Variants in SLC9A9 observed in about 807,000 individuals in gnomAD.
SLC9A9 encodes solute carrier family 9 member A9.
In SLC9A9, 62 loss-of-function variants were observed where a neutral mutation model predicts 77.8. That is an observed-to-expected ratio of 0.80 (90% CI 0.65 to 0.98). SLC9A9 has a LOEUF of 0.98. Among genes scored for constraint, SLC9A9 ranks in the 50% least tolerant of loss-of-function variants. The pLI is 0.00. For synonymous variants in SLC9A9, 320 were observed against 283.5 expected (o/e 1.13, Z -1.29); for missense variants, 775 against 774.9 (o/e 1.00, Z 0.00).
intron 4 of SLC9A9, among the ~76,000 whole-genome samples, chr3:143,748,790 G>C (rs977733706): frequency 7.1e-6 from 1 of 141,374 alleles, no homozygotes; most frequent in Non-Finnish European, 1.5e-5. Flanking sequence ...TGCAAGCTCC[G>C]CTTCCTGGGT....
chr3:143,602,962 A>G (rs2108688523), intron 6 of SLC9A9, among the ~76,000 whole-genome samples: 1 of 152,354 alleles, frequency 6.6e-6, no homozygotes, highest in East Asian at 1.9e-4. Context: ...TTCCTCTTCC[A>G]TAGTCTATGC....
chr3:143,714,736 G>A (rs185895889), intron 4 of SLC9A9, among the ~76,000 whole-genome samples: 17 of 152,292 alleles, frequency 1.1e-4, no homozygotes, highest in Non-Finnish European at 4.4e-5. Context: ...ATCAGTGGAT[G>A]AACTTGCTCT....
At chr3:143,277,709 G>A (rs776493410) in intron 14 of SLC9A9, among the ~76,000 whole-genome samples, 12 of 152,136 alleles carry the variant, frequency 7.9e-5, no homozygotes, top group Non-Finnish European at 1.6e-4. Flanking sequence ...AGTGAGCCTT[G>A]GCTTTTAGTG....
In SLC9A9 at chr3:143,505,759, A is replaced by G. The variant is rs538645669; in HGVS notation, c.1090-10311T>C. ...GGAAGATGAATAGGCATCATTAAGT[A>G]AGTAAAGTTAATATAGGACATAAAT... On this transcript the variant is annotated intron_variant, in intron 9 of 15. Coordinates refer to ENST00000316549, the MANE Select transcript of SLC9A9 (RefSeq NM_173653.4). 2.0e-5 allele frequency among the ~76,000 whole-genome samples: 3 copies of G among 152,336 alleles called. No homozygotes were observed. In the South Asian group the frequency reaches 6.2e-4, roughly 32 times the overall value.
chr3:143,607,120 C>T (rs1177910913), intron 6 of SLC9A9, among the ~76,000 whole-genome samples: 1 of 151,402 alleles, frequency 6.6e-6, no homozygotes, highest in Admixed American at 6.6e-5. Context: ...AATATAATTA[C>T]CTAATATCAA....
chr3:143,532,168 G>A (rs948087180), intron 9 of SLC9A9, among the ~76,000 whole-genome samples: 3 of 152,156 alleles, frequency 2.0e-5, no homozygotes, highest in Non-Finnish European at 4.4e-5. Context: ...ATTGATACAT[G>A]TAATCAGTGG....
intron 4 of SLC9A9, among the ~76,000 whole-genome samples, chr3:143,712,638 A>G (rs928998416): frequency 2.1e-5 from 3 of 142,442 alleles, no homozygotes; most frequent in African/African-American, 3.1e-5. Flanking sequence ...TTACCAGATA[A>G]TCACTACTGA....
At chr3:143,564,903 T>C (rs1011975617) in intron 8 of SLC9A9, among the ~76,000 whole-genome samples, 1 of 152,206 alleles carries the variant, frequency 6.6e-6, no homozygotes, top group Non-Finnish European at 1.5e-5. Flanking sequence ...TGAGTACTTA[T>C]GCAAATTATC....
At chr3:143,437,192 T>C (rs2034636080) in intron 12 of SLC9A9, among the ~76,000 whole-genome samples, 1 of 152,220 alleles carries the variant, frequency 6.6e-6, no homozygotes, top group Non-Finnish European at 1.5e-5. Flanking sequence ...TTTGAATGAA[T>C]GAATCACAGA....
In SLC9A9 at chr3:143,467,184, C is replaced by T. The variant is rs1318268027; in HGVS notation, c.1322G>A (p.Arg441Gln). ...AGCTAAGGCAAATGCGATCGCTCCT[C>T]GCAAACCTTGCAGGAAAAACCAAAG... The part of the protein sequence containing the change: ...FQHMMMFSGL[R>Q]GAIAFALAIR... The change falls in exon 12 of 16, where the codon CGA (arginine) becomes CAA (glutamine). Residue 441 changes from arginine (R) to glutamine (Q), a missense_variant. By Grantham distance (43) the Arg-to-Gln change is conservative (BLOSUM62 1). Transcript: ENST00000316549. 16 of 1,614,038 alleles carry T rather than the reference C, an allele frequency of 9.9e-6. No homozygotes were observed. In the East Asian group the frequency reaches 1.6e-4, roughly 16 times the overall value.
At chr3:143,846,114 G>A (rs531049133) in intron 1 of SLC9A9, among the ~76,000 whole-genome samples, 46 of 152,326 alleles carry the variant, frequency 3.0e-4, no homozygotes, top group African/African-American at 1.0e-3. Context: ...AGATTCAAAA[G>A]TAAGAGTTAC....
chr3:143,648,487 T>C (rs1467077016), intron 6 of SLC9A9, among the ~76,000 whole-genome samples: 1 of 152,208 alleles, frequency 6.6e-6, no homozygotes, highest in Non-Finnish European at 1.5e-5. Context: ...TACTGCTCAC[T>C]GGCCCATTGC....
chr3:143,841,534 T>C (rs2009706724), intron 1 of SLC9A9, among the ~76,000 whole-genome samples: 1 of 152,206 alleles, frequency 6.6e-6, no homozygotes, highest in South Asian at 2.1e-4. Context: ...ATTAACTATG[T>C]AACATTAATT....
At chr3:143,617,861 C>A (rs1225538415) in intron 6 of SLC9A9, among the ~76,000 whole-genome samples, 1 of 152,226 alleles carries the variant, frequency 6.6e-6, no homozygotes, top group Non-Finnish European at 1.5e-5. Flanking sequence ...GAACTTTCAA[C>A]CTGATCCTGA....
intron 4 of SLC9A9, among the ~76,000 whole-genome samples, chr3:143,767,856 G>A (rs1283998512): frequency 6.6e-6 from 1 of 152,078 alleles, no homozygotes; most frequent in Non-Finnish European, 1.5e-5. Context: ...GAAGTTTAAT[G>A]ATTTAGAATT....
At chr3:143,492,475 G>A (rs1429515345) in intron 11 of SLC9A9, among the ~76,000 whole-genome samples, 1 of 152,090 alleles carries the variant, frequency 6.6e-6, no homozygotes, top group Non-Finnish European at 1.5e-5. Context: ...CTCAGCTTGG[G>A]AGCTGCCCCT....
chr3:143,699,628 T>A (rs1028741584), intron 4 of SLC9A9, among the ~76,000 whole-genome samples: 3 of 152,080 alleles, frequency 2.0e-5, no homozygotes, highest in Admixed American at 2.0e-4. Flanking sequence ...AGAGGAAGTA[T>A]AAAACCAGCC....
intron 2 of SLC9A9, 65 bp downstream of exon 2, chr3:143,831,954 G>T: frequency 7.0e-7 from 1 of 1,431,228 alleles, no homozygotes; most frequent in Non-Finnish European, 9.6e-7. Flanking sequence ...AAAGTATAAA[G>T]GCTCAAATAT....
At chr3:143,662,419 A>G (rs931967568) in intron 5 of SLC9A9, among the ~76,000 whole-genome samples, 1 of 152,346 alleles carries the variant, frequency 6.6e-6, no homozygotes, top group East Asian at 1.9e-4. Context: ...TGCATTTCCA[A>G]CTGAGGTATT....
Sources: gnomAD v4.1 joint callset for allele counts (sites outside exome capture counted in the v4.1 genomes callset) on GRCh38, gnomAD v4.1.1 for gene constraint, MANE v1.5 for transcripts, NCBI Gene and HGNC (gene_info 2026-07-23, HGNC 2026-07-21) for gene names.